The following SYT16 variants were observed in gnomAD, a reference collection of about 807,000 sequenced individuals.
SYT16 encodes synaptotagmin 16, also known as synaptotagmin-16.
A neutral mutation model predicts 61.4 loss-of-function variants in SYT16; 42 were observed. The observed-to-expected ratio is 0.68, with a 90% CI of 0.53 to 0.89. The LOEUF is 0.89. Among genes scored for constraint, SYT16 ranks in the 40% least tolerant of loss-of-function variants. The pLI is 0.00. For synonymous variants in SYT16, 314 were observed against 302.3 expected, an observed-to-expected ratio of 1.04 and a Z score of -0.40; for missense variants, 804 against 807.3, an observed-to-expected ratio of 1.00 and a Z score of 0.05.
intron 5 of SYT16, among the ~76,000 whole-genome samples, chr14:62,078,376 G>T (rs147138837): frequency 1.3e-5 from 2 of 152,046 alleles, no homozygotes; most frequent in East Asian, 1.9e-4. Context: ...TCTGGGCTTG[G>T]GGGGAGAGAG....
At chr14:61,874,473 T>G (rs1163426422) in intron 1 of SYT16, among the ~76,000 whole-genome samples, 1 of 152,236 alleles carries the variant, frequency 6.6e-6, no homozygotes, top group Non-Finnish European at 1.5e-5. Context: ...ATCCCTTGTG[T>G]ATACCGAGGA....
intron 3 of SYT16, among the ~76,000 whole-genome samples, chr14:62,036,086 G>A (rs1171012500): frequency 1.3e-5 from 2 of 152,158 alleles, no homozygotes; most frequent in Non-Finnish European, 2.9e-5. Context: ...ATTTTGGTAA[G>A]TGCTTCCATA....
chr14:61,954,744 CT>C (rs1281156651), intron 1 of SYT16, among the ~76,000 whole-genome samples: 2 of 152,112 alleles, frequency 1.3e-5, no homozygotes, highest in Non-Finnish European at 1.5e-5. Context: ...CAGATGCCAC[CT>C]TGGCTTACAC....
intron 1 of SYT16, among the ~76,000 whole-genome samples, chr14:61,915,281 C>T (rs1349644672): frequency 6.6e-6 from 1 of 152,046 alleles, no homozygotes; most frequent in Non-Finnish European, 1.5e-5. Flanking sequence ...ACCCTGTTCT[C>T]AAGATACTTA....
At chr14:62,029,987 A>C (rs2054253049) in intron 3 of SYT16, among the ~76,000 whole-genome samples, 2 of 152,190 alleles carry the variant, frequency 1.3e-5, no homozygotes. Context: ...AATTGCTCAC[A>C]AATCAGAAGG....
At chr14:61,940,849 C>T (rs976729658) in intron 1 of SYT16, among the ~76,000 whole-genome samples, 18 of 152,168 alleles carry the variant, frequency 1.2e-4, no homozygotes, top group Middle Eastern at 3.4e-3. Context: ...GACTGAGAAC[C>T]GGAATGGTTG....
At chr14:61,904,004 C>A (rs1200921677) in intron 1 of SYT16, among the ~76,000 whole-genome samples, 1 of 152,128 alleles carries the variant, frequency 6.6e-6, no homozygotes, top group Non-Finnish European at 1.5e-5. Context: ...AGAAGTTGGC[C>A]CTGCTTTTCA....
At chr14:61,812,532 G>C (rs571967671), upstream of SYT16, among the ~76,000 whole-genome samples, 2 of 151,302 alleles carry the variant, frequency 1.3e-5, no homozygotes, top group Admixed American at 6.6e-5. Context: ...AGGCGAGGAG[G>C]GGGAGATCCA....
At chr14:61,936,108 C>T (rs2049971115) in intron 1 of SYT16, among the ~76,000 whole-genome samples, 1 of 152,142 alleles carries the variant, frequency 6.6e-6, no homozygotes, top group African/African-American at 2.4e-5. Flanking sequence ...TCACAATTTG[C>T]TTTAAGAGCT....
At chr14:61,945,716 C>A (rs567587377) in intron 1 of SYT16, among the ~76,000 whole-genome samples, 9 of 151,872 alleles carry the variant, frequency 5.9e-5, no homozygotes, top group Admixed American at 5.9e-4. Context: ...ATTAGCCGGG[C>A]GTGGTGGCGG....
intron 1 of SYT16, among the ~76,000 whole-genome samples, chr14:61,913,080 C>G (rs1478262495): frequency 6.6e-6 from 1 of 152,194 alleles, no homozygotes; most frequent in African/African-American, 2.4e-5. Context: ...CCCTATCCCT[C>G]CCTATCCTGT....
At chr14:61,881,460 A>G (rs1468487980) in intron 1 of SYT16, among the ~76,000 whole-genome samples, 2 of 152,238 alleles carry the variant, frequency 1.3e-5, no homozygotes, top group South Asian at 4.1e-4. Flanking sequence ...CCTTGTTATC[A>G]AATCCAATAG....
At chr14:61,880,953 A>G (rs2047676710) in intron 1 of SYT16, among the ~76,000 whole-genome samples, 2 of 152,186 alleles carry the variant, frequency 1.3e-5, no homozygotes, top group South Asian at 4.1e-4. Flanking sequence ...CATACAGGAA[A>G]GAGCACACAT....
intron 1 of SYT16, among the ~76,000 whole-genome samples, chr14:61,946,025 CAG>C (rs2050420993): frequency 6.6e-6 from 1 of 151,912 alleles, no homozygotes; most frequent in Non-Finnish European, 1.5e-5. Context: ...CACATGGACA[CAG>C]GGAGGGGAAC....
chr14:62,111,236 C>T lies in SYT16; in HGVS notation c.*10529C>T, dbSNP rs1595434161. On this transcript the variant is annotated 3_prime_UTR_variant, in exon 8 of 8. Transcript: ENST00000683842. ...TTATATCTCAACTTTTGATGGGTGT[C>T]CTTGAAGAACTTTCATGAAAAAAAT... 1 of 151,872 alleles carries T rather than the reference C, an allele frequency of 6.6e-6. No individual in the cohort carries two copies. Among genetic ancestry groups the T allele is most frequent in the Non-Finnish European group, 1.5e-5 (1 of 67,894 alleles). The allele number at this position is 151,872 out of a possible 1,614,324, so 9.4% of individuals were successfully genotyped here. A position where few individuals can be genotyped will look rare whatever the true frequency, so the allele number is the denominator to read the frequency against.
intron 1 of SYT16, among the ~76,000 whole-genome samples, chr14:61,875,235 A>G (rs1566644107): frequency 6.6e-6 from 1 of 152,134 alleles, no homozygotes; most frequent in South Asian, 2.1e-4. Flanking sequence ...ATGCTTCTTG[A>G]TCCTTGGGGA....
chr14:61,839,268 T>C (rs758225318), intron 1 of SYT16, among the ~76,000 whole-genome samples: 8 of 152,154 alleles, frequency 5.3e-5, no homozygotes, highest in Non-Finnish European at 1.0e-4. Context: ...AAACAACTCT[T>C]GGGAGTGGAT....
intron 5 of SYT16, among the ~76,000 whole-genome samples, chr14:62,077,931 C>T (rs1008209597): frequency 6.6e-6 from 1 of 152,144 alleles, no homozygotes; most frequent in Admixed American, 6.5e-5. Context: ...CAGCCTGATA[C>T]ATAAGTGGAG....
intron 2 of SYT16, among the ~76,000 whole-genome samples, chr14:61,990,782 G>T (rs2052516205): frequency 6.6e-6 from 1 of 152,070 alleles, no homozygotes; most frequent in African/African-American, 2.4e-5. Flanking sequence ...AACCCTTAAA[G>T]GACTATGAGC....
Sources: gnomAD v4.1 joint callset for allele counts (sites outside exome capture counted in the v4.1 genomes callset) on GRCh38, gnomAD v4.1.1 for gene constraint, MANE v1.5 for transcripts, NCBI Gene and HGNC (gene_info 2026-07-23, HGNC 2026-07-21) for gene names.